The following TTC6 variants were observed in gnomAD, a reference collection of about 807,000 sequenced individuals.
TTC6 encodes the protein tetratricopeptide repeat domain 6.
In TTC6, 172 loss-of-function variants were observed where a neutral mutation model predicts 210.4. That is an observed-to-expected ratio of 0.82 (90% CI 0.72 to 0.93). TTC6 has a LOEUF of 0.93. Ranked by LOEUF, TTC6 falls within the 40% of genes least tolerant of loss-of-function variation. The probability of loss-of-function intolerance (pLI) is 0.00; values close to 1 mark genes in which losing one functional copy is unlikely to be tolerated. For synonymous variants in TTC6, 804 were observed against 819.6 expected (o/e 0.98, Z 0.32); for missense variants, 2,414 against 2,318.1 (o/e 1.04, Z -0.85).
chr14:37,678,517 C>T (rs1183236709), intron 1 of TTC6, among the ~76,000 whole-genome samples: 1 of 152,178 alleles, frequency 6.6e-6, no homozygotes, highest in East Asian at 1.9e-4. Context: ...CCCTCATCTC[C>T]ACACTGTTCC....
chr14:37,714,413 A>G (rs571153747), intron 5 of TTC6, among the ~76,000 whole-genome samples: 41 of 151,804 alleles, frequency 2.7e-4, no homozygotes, highest in African/African-American at 9.4e-4. Flanking sequence ...GGGTGAATTT[A>G]TTATTCCAGT....
Position 37,701,316 on chromosome 14 carries a change from C to G in TTC6, c.1377-16C>G, listed in dbSNP as rs1049230895. The G allele has an allele frequency of 7.3e-6, 10 of 1,370,538 alleles. No homozygotes were observed. Among genetic ancestry groups the G allele is most frequent in the Admixed American group, 3.4e-5 (1 of 29,680 alleles). The allele number at this position is 1,370,538 out of a possible 1,614,324, so 84.9% of individuals were successfully genotyped here. A position where few individuals can be genotyped will look rare whatever the true frequency, so the allele number is the denominator to read the frequency against. ...CAAAATGATGAAAGGAGCTCACTTT[C>G]TTTTCTCTGTTGCAGAATTCCACAA... On this transcript the variant is annotated splice_polypyrimidine_tract_variant and intron_variant, in intron 4 of 30. Coordinates refer to ENST00000553443, the Ensembl canonical transcript of TTC6.
chr14:37,755,883 T>C (rs904251549), intron 14 of TTC6, among the ~76,000 whole-genome samples: 4 of 152,218 alleles, frequency 2.6e-5, no homozygotes, highest in Non-Finnish European at 5.9e-5. Context: ...TTTCTAATTC[T>C]GTGAAGAAAG....
intron 5 of TTC6, among the ~76,000 whole-genome samples, chr14:37,706,993 A>G (rs540141354): frequency 7.3e-5 from 11 of 151,382 alleles, no homozygotes; most frequent in African/African-American, 2.2e-4. Context: ...TTGTCATTTT[A>G]TATTCTCTTT....
Position 37,598,991 on chromosome 14 carries a change from A to G in TTC6, c.-235+2983A>G, listed in dbSNP as rs1031597918. On this transcript the variant is annotated intron_variant, in intron 1 of 2. Coordinates refer to the TTC6 transcript ENST00000556845. This position sits in a 1 kb window ranked among gnomAD's most constrained non-coding sequence, Gnocchi z 4.9. ...CTTCTGCAGGGGAGAATCGGATGCAATGAAACTAAGACCTGTGGTCGTTAA... is the reference window on the plus strand; with the variant it reads ...CTTCTGCAGGGGAGAATCGGATGCAGTGAAACTAAGACCTGTGGTCGTTAA... 7.0e-6 allele frequency among the ~76,000 whole-genome samples: 1 copy of G among 142,902 alleles called. No homozygotes were observed. The highest frequency in any genetic ancestry group is 2.6e-5 in the African/African-American group (1 of 37,942). The allele number at this position is 142,902 out of a possible 152,430, so 93.7% of individuals were successfully genotyped here.
At chr14:37,759,396 T>C (rs2095977452) in intron 14 of TTC6, among the ~76,000 whole-genome samples, 2 of 152,226 alleles carry the variant, frequency 1.3e-5, no homozygotes, top group Admixed American at 6.5e-5. Context: ...GGCTTCCCTT[T>C]GTGGGTAACT....
At chr14:37,673,067 C>A (rs1166176077) in intron 1 of TTC6, among the ~76,000 whole-genome samples, 1 of 152,036 alleles carries the variant, frequency 6.6e-6, no homozygotes, top group East Asian at 1.9e-4. Flanking sequence ...ATTTATATGG[C>A]AGCTGTTCAA....
At chr14:37,781,685 A>G (rs983638438) in intron 14 of TTC6, among the ~76,000 whole-genome samples, 2 of 152,012 alleles carry the variant, frequency 1.3e-5, no homozygotes, top group Admixed American at 1.3e-4. Flanking sequence ...GGTGTTTTAG[A>G]CGTGAAATCC....
rs73263329 is a variant in TTC6, at chr14:37,649,261, G to T, written c.939+26258G>T. Among the ~76,000 whole-genome samples the T allele has an allele frequency of 2.6e-3, 393 of 152,260 alleles. 2 individuals are homozygous for T. The highest frequency in any genetic ancestry group is 8.4e-3 in the African/African-American group (350 of 41,542). On this transcript the variant is annotated intron_variant, in intron 1 of 30. Coordinates refer to ENST00000553443, the Ensembl canonical transcript of TTC6. ...AATGCTCCACCTGCCTTGACACTCC[G>T]TAGGGCTGTTTCTTCTCTGGGATCT...
intron 26 of TTC6, among the ~76,000 whole-genome samples, chr14:37,822,818 T>C (rs929436693): frequency 1.3e-5 from 2 of 152,214 alleles, no homozygotes; most frequent in Non-Finnish European, 2.9e-5. Flanking sequence ...CATAGTATGG[T>C]AGTTACTGTG....
chr14:37,827,227 G>C, exon 29 of TTC6: 1 of 1,612,720 alleles, frequency 6.2e-7, no homozygotes, highest in Non-Finnish European at 8.5e-7. Flanking sequence ...TTAACAAATC[G>C]TGGGGTGATT....
chr14:37,725,247 G>GTA (rs1389331599), intron 7 of TTC6, among the ~76,000 whole-genome samples: 2 of 132,590 alleles, frequency 1.5e-5, no homozygotes, highest in East Asian at 4.2e-4. Context: ...ATGTGTGTGT[G>GTA]TATATATATA....
chr14:37,836,722 C>T (rs920299611), intron 29 of TTC6, among the ~76,000 whole-genome samples: 3 of 152,120 alleles, frequency 2.0e-5, no homozygotes, highest in Admixed American at 1.3e-4. Context: ...CTTTGAGCCT[C>T]CTTCGTAGAG....
At chr14:37,823,854 G>A in exon 27 of TTC6, 3 of 1,613,988 alleles carry the variant, frequency 1.9e-6, no homozygotes, top group Non-Finnish European at 2.5e-6. Context: ...ATGGAATACG[G>A]TCATGATGAA....
At chr14:37,795,231 A>T in intron 17 of TTC6, 39 bp from the exon 20 acceptor site, 1 of 1,382,514 alleles carries the variant, frequency 7.2e-7, no homozygotes. Flanking sequence ...GAAGCAATCG[A>T]TGTTATTAGG....
intron 29 of TTC6, among the ~76,000 whole-genome samples, chr14:37,832,163 A>C (rs2096186831): frequency 6.6e-6 from 1 of 151,892 alleles, no homozygotes; most frequent in Admixed American, 6.6e-5. Context: ...AATGGATACC[A>C]AGTTTTCTCA....
At chr14:37,636,030 A>G (rs1382606336) in intron 1 of TTC6, among the ~76,000 whole-genome samples, 1 of 151,780 alleles carries the variant, frequency 6.6e-6, no homozygotes, top group Admixed American at 6.6e-5. Context: ...CCAGAGACAA[A>G]CAGGACTTTA....
At chr14:37,758,441 G>A (rs759717410) in intron 14 of TTC6, among the ~76,000 whole-genome samples, 1 of 152,032 alleles carries the variant, frequency 6.6e-6, no homozygotes, top group Non-Finnish European at 1.5e-5. Context: ...ATTATGTAAC[G>A]GCCTTCTTTG....
In TTC6 at chr14:37,622,393, G is replaced by A. The variant is rs1357461629; in HGVS notation, c.329G>A (p.Gly110Asp). Residue 110 changes from glycine to aspartate, a missense_variant, in exon 1 of 31, where the codon GGC (glycine) becomes GAC (aspartate). Transcript: ENST00000553443. ...GGCCTGGGTGAGGCGGCGGCTCCAG[G>A]CAAGACCCGGTCGTTTCGCCCCCGG... The A allele has an allele frequency of 1.7e-5, 26 of 1,533,688 alleles. No individual in the cohort carries two copies. In the South Asian group the frequency reaches 2.7e-4, roughly 16 times the overall value.
Sources: allele counts gnomAD v4.1 joint callset (sites outside exome capture counted in the v4.1 genomes callset), GRCh38; gene constraint gnomAD v4.1.1; non-coding constraint Gnocchi (gnomAD v3.1); transcripts MANE v1.5; gene names NCBI Gene and HGNC (gene_info 2026-07-23, HGNC 2026-07-21).